Variants in GRK1 observed in about 807,000 individuals in gnomAD.
GRK1 encodes rhodopsin kinase GRK1.
Under a neutral mutation model 41.7 loss-of-function variants are expected in GRK1, and 28 were observed. The observed-to-expected ratio is 0.67, with a 90% CI of 0.50 to 0.92. The LOEUF (loss-of-function observed/expected upper bound fraction) is 0.92. GRK1 is among the 40% of genes least tolerant of loss of function. The pLI is 0.00. For missense variants in GRK1, 703 were observed against 671.2 expected, an observed-to-expected ratio of 1.05 and a Z score of -0.52; for synonymous variants, 327 against 286.7, an observed-to-expected ratio of 1.14 and a Z score of -1.42.
At position 113,731,446 on chromosome 13, in the gene GRK1, G is replaced by T; in HGVS notation, c.1194+103G>T. 6.8e-7 allele frequency: 1 copy of T among 1,465,312 alleles called. No individual in the cohort carries two copies. The highest frequency in any genetic ancestry group is 9.1e-7 in the Non-Finnish European group (1 of 1,097,732). The allele number at this position is 1,465,312 out of a possible 1,614,324, so 90.8% of individuals were successfully genotyped here. ...CGTTACTGGGGCAGACCTGGGAGTT[G>T]TTCTGTGGGCCCTGGGGTGGGGAGG... On this transcript the variant is annotated intron_variant, in intron 5 of 6. Coordinates refer to ENST00000335678, the MANE Select transcript of GRK1 (RefSeq NM_002929.3). This position sits in a 1 kb window ranked among gnomAD's most constrained non-coding sequence, Gnocchi z 5.6.
chr13:113,733,937 CGT>C lies in GRK1; in HGVS notation c.1396+858_1396+859del, dbSNP rs1218544159. On this transcript the variant is annotated intron_variant, in intron 6 of 6. Transcript: ENST00000335678. ...GTGTGCGTGTGTGCATGTGTGCATA[CGT>C]GTGTGCGTGTGTGTGCATACGTGTG... Among the ~76,000 whole-genome samples, 925 of 95,762 alleles carry C rather than the reference CGT, an allele frequency of 9.7e-3. 25 individuals carry two copies. The highest frequency in any genetic ancestry group is 0.044 in the African/African-American group (849 of 19,428). The allele number at this position is 95,762 out of a possible 152,430, so 62.8% of individuals were successfully genotyped here.
the GRK1 span, chr13:113,648,873 A>T: frequency 6.6e-6 from 1 of 152,224 alleles, no homozygotes; most frequent in African/African-American, 2.4e-5. Context: ...TTTTTTACAT[A>T]CAATAAGAGT....
chr13:113,729,525 C>T (rs368742039), intron 4 of GRK1, among the ~76,000 whole-genome samples: 2 of 152,196 alleles, frequency 1.3e-5, no homozygotes, highest in African/African-American at 4.8e-5. Context: ...GTCATGGCAG[C>T]TGGAAGACTG....
At position 113,671,571 on chromosome 13, in the gene GRK1, G is replaced by A. The variant is rs1199932579; in HGVS notation, c.900G>A (p.Gln300=). The A allele has an allele frequency of 1.3e-6, 1 of 777,174 alleles. No homozygotes were observed. Among genetic ancestry groups the A allele is most frequent in the Non-Finnish European group, 2.4e-6 (1 of 417,932 alleles). The allele number at this position is 777,174 out of a possible 1,614,324, so 48.1% of individuals were successfully genotyped here. A position where few individuals can be genotyped will look rare whatever the true frequency, so the allele number is the denominator to read the frequency against. The part of the protein sequence containing the change: ...PEPRALFYTA[Q]IICGLEHLHQ... ...CGCGCGCCCTCTTCTACACGGCGCA[G>A]ATCATCTGCGGCCTGGAGCACCTGC... is the stretch of plus-strand genomic sequence containing the variant. Residue 300 remains glutamine, a synonymous_variant, in exon 3 of 7, where the codon CAG becomes CAA. Transcript: ENST00000335678. The surrounding 1 kb of genome is among the most constrained non-coding windows in gnomAD (Gnocchi z 4.1).
At chr13:113,727,924 T>C (rs1156990740) in intron 4 of GRK1, among the ~76,000 whole-genome samples, 2 of 79,036 alleles carry the variant, frequency 2.5e-5, no homozygotes, top group African/African-American at 5.3e-5. Context: ...CCCATGGCGA[T>C]GAGGAGTACC....
Position 113,667,364 on chromosome 13 carries a change from T to G in GRK1, c.-23T>G, listed in dbSNP as rs749409239. 4 of 1,523,312 alleles carry G rather than the reference T, an allele frequency of 2.6e-6. No individual in the cohort carries two copies. In the South Asian group the frequency reaches 5.3e-5, roughly 20 times the overall value. 94.4% of individuals were successfully genotyped at this position (1,523,312 alleles called of 1,614,324 possible). A position where few individuals can be genotyped will look rare whatever the true frequency, so the allele number is the denominator to read the frequency against. ...GCCTCGGCTGATGGGCCCTCACGCC[T>G]GAAGCGGGCAGGAAGCTCCGGGATG... On this transcript the variant is annotated 5_prime_UTR_variant, in exon 1 of 7. An upstream open reading frame in the 5' UTR loses its in-frame stop. Transcript: ENST00000335678. This position sits in a 1 kb window ranked among gnomAD's most constrained non-coding sequence, Gnocchi z 7.5.
rs1566700183 is a variant in GRK1, at chr13:113,733,878, C to CGTGCGTGT, written c.1396+793_1396+794insGTGCGTGT. 2.9e-4 allele frequency among the ~76,000 whole-genome samples: 23 copies of CGTGCGTGT among 78,132 alleles called. 1 individual carries two copies. In the South Asian group the frequency reaches 3.2e-3, roughly 11 times the overall value. 51.3% of individuals were successfully genotyped at this position (78,132 alleles called of 152,430 possible). ...GTGTGCATACGTGTGTGCGTGTGTG[C>CGTGCGTGT]ATACGTGTGTGCGTGTGTGTATGTG... is the stretch of plus-strand genomic sequence containing the variant. On this transcript the variant is annotated intron_variant, in intron 6 of 6. Coordinates refer to ENST00000335678, the MANE Select transcript of GRK1 (RefSeq NM_002929.3).
chr13:113,653,210 TCACCTGCTGCTTCACACCTCACC>T, the GRK1 span: 15 of 1,381,120 alleles, frequency 1.1e-5, no homozygotes, highest in Admixed American at 1.6e-4. Flanking sequence ...GTTTCACACC[TCACCTGCTGCTTCACACCTCACC>T]CACCCGCCGC....
chr13:113,733,544 T>C (rs1220827148), intron 6 of GRK1, among the ~76,000 whole-genome samples: 6 of 147,324 alleles, frequency 4.1e-5, no homozygotes, highest in South Asian at 2.1e-4. Flanking sequence ...TGTGCATGCG[T>C]GTGCGCGCAC....
the GRK1 span, among the ~76,000 whole-genome samples, chr13:113,660,322 G>A: frequency 2.0e-5 from 3 of 152,120 alleles, no homozygotes; most frequent in African/African-American, 7.2e-5. Context: ...TGGTGTCAGT[G>A]GAGACCATAT....
Position 113,667,353 on chromosome 13 carries a change from GC to G in GRK1, c.-31del. On this transcript the variant is annotated 5_prime_UTR_variant, in exon 1 of 7. The change abolishes the stop of an existing upstream ORF in the 5' untranslated region. Coordinates refer to ENST00000335678, the MANE Select transcript of GRK1 (RefSeq NM_002929.3). The surrounding 1 kb of genome is among the most constrained non-coding windows in gnomAD (Gnocchi z 7.5). ...CTCCCGGCTTGGCCTCGGCTGATGG[GC>G]CCTCACGCCTGAAGCGGGCAGGAAG... is the stretch of plus-strand genomic sequence containing the variant. 2 of 1,502,006 alleles carry G rather than the reference GC, an allele frequency of 1.3e-6. No individual in the cohort carries two copies. Among genetic ancestry groups the G allele is most frequent in the Non-Finnish European group, 1.8e-6 (2 of 1,122,884 alleles). 93.0% of individuals were successfully genotyped at this position (1,502,006 alleles called of 1,614,324 possible). A position where few individuals can be genotyped will look rare whatever the true frequency, so the allele number is the denominator to read the frequency against.
At chr13:113,665,006 G>A (rs530117687), upstream of GRK1, among the ~76,000 whole-genome samples, 20 of 152,308 alleles carry the variant, frequency 1.3e-4, no homozygotes, top group Admixed American at 1.2e-3. Context: ...AAGCCCTCAG[G>A]AGACCGTGGG....
chr13:113,735,385 G>A lies in GRK1; in HGVS notation c.*22G>A. On this transcript the variant is annotated 3_prime_UTR_variant, in exon 7 of 7. Transcript: ENST00000335678. ...CTAGGTGACGCCCCAGAGTCCACGT[G>A]GAGGAAAAGGACCCATACGGCTCGA... is the stretch of plus-strand genomic sequence containing the variant. 1 of 1,469,222 alleles carries A rather than the reference G, an allele frequency of 6.8e-7. No homozygotes were observed. The highest frequency in any genetic ancestry group is 9.0e-7 in the Non-Finnish European group (1 of 1,111,818). 91.0% of individuals were successfully genotyped at this position (1,469,222 alleles called of 1,614,324 possible).
the GRK1 span, among the ~76,000 whole-genome samples, chr13:113,655,930 T>C: frequency 6.6e-6 from 1 of 152,238 alleles, no homozygotes; most frequent in Non-Finnish European, 1.5e-5. Flanking sequence ...GCCTGCCCTC[T>C]TCTGTGAGCT....
At position 113,671,486 on chromosome 13, in the gene GRK1, T is replaced by C; in HGVS notation, c.828-13T>C. On this transcript the variant is annotated splice_polypyrimidine_tract_variant and intron_variant, in intron 2 of 6. Coordinates refer to ENST00000335678, the MANE Select transcript of GRK1 (RefSeq NM_002929.3). The surrounding 1 kb of genome is among the most constrained non-coding windows in gnomAD (Gnocchi z 4.1). Reference sequence around the variant, plus strand: ...AAACCCGGGGTGCATGGTTCCCACGTGTCTTCCCCCAGGTACCACATCTAC... The same window carrying C: ...AAACCCGGGGTGCATGGTTCCCACGCGTCTTCCCCCAGGTACCACATCTAC... 1 of 778,882 alleles carries C rather than the reference T, an allele frequency of 1.3e-6. No homozygotes were observed. Among genetic ancestry groups the C allele is most frequent in the East Asian group, 2.4e-5 (1 of 41,250 alleles). The allele number at this position is 778,882 out of a possible 1,614,324, so 48.2% of individuals were successfully genotyped here. A position where few individuals can be genotyped will look rare whatever the true frequency, so the allele number is the denominator to read the frequency against.
At chr13:113,663,161 G>A (rs116184425), upstream of GRK1, among the ~76,000 whole-genome samples, 518 of 152,292 alleles carry the variant, frequency 3.4e-3, 2 homozygotes, top group African/African-American at 0.012. Flanking sequence ...CAATGGAACA[G>A]AAGAGAAAAT....
chr13:113,666,115 G>A (rs551640566), upstream of GRK1, among the ~76,000 whole-genome samples: 15 of 148,282 alleles, frequency 1.0e-4, no homozygotes, highest in African/African-American at 3.3e-4. Flanking sequence ...TGTGTCTCAG[G>A]TGTGCCCCAG....
chr13:113,653,001 G>C, the GRK1 span: 12 of 1,614,146 alleles, frequency 7.4e-6, no homozygotes, highest in Middle Eastern at 4.9e-4. Flanking sequence ...TTGGGAGCGC[G>C]GAAACTCTCC....
chr13:113,671,702 C>T lies in GRK1; in HGVS notation c.985+46C>T, dbSNP rs1490571600. The T allele has an allele frequency of 9.9e-6, 7 of 707,086 alleles. No homozygotes were observed. The highest frequency in any genetic ancestry group is 2.0e-5 in the Admixed American group (1 of 50,436). The allele number at this position is 707,086 out of a possible 1,614,324, so 43.8% of individuals were successfully genotyped here. A position where few individuals can be genotyped will look rare whatever the true frequency, so the allele number is the denominator to read the frequency against. ...GGAGGGATGAGGGCTACGAGGAGGG[C>T]GGGGCGCAGCTTCCTTGGGGGTCTC... On this transcript the variant is annotated intron_variant, in intron 3 of 6. Transcript: ENST00000335678. This position sits in a 1 kb window ranked among gnomAD's most constrained non-coding sequence, Gnocchi z 4.1.
Sources: gnomAD v4.1 joint callset for allele counts (sites outside exome capture counted in the v4.1 genomes callset) on GRCh38, gnomAD v4.1.1 for gene constraint, Gnocchi (gnomAD v3.1) non-coding constraint, MANE v1.5 for transcripts, NCBI Gene and HGNC (gene_info 2026-07-23, HGNC 2026-07-21) for gene names.